IQSEC3: variants seen among roughly 807,000 people sequenced by gnomAD.
IQSEC3 encodes IQ motif and SEC7 domain-containing protein 3.
IQSEC3 carries 50 observed loss-of-function variants against 105.4 expected under a neutral mutation model. That is an observed-to-expected ratio of 0.47 (90% CI 0.38 to 0.60). The LOEUF (loss-of-function observed/expected upper bound fraction) is 0.60. Ranked by LOEUF, IQSEC3 falls within the 20% of genes least tolerant of loss-of-function variation. IQSEC3 has a pLI of 0.00. For missense variants in IQSEC3, 1,415 were observed against 1,630.0 expected, an observed-to-expected ratio of 0.87 and a Z score of 2.27; for synonymous variants, 708 against 746.0, an observed-to-expected ratio of 0.95 and a Z score of 0.83.
At chr12:174,186 CTG>C (rs2137076124) in intron 13 of IQSEC3, among the ~76,000 whole-genome samples, 1 of 152,274 alleles carries the variant, frequency 6.6e-6, no homozygotes, top group East Asian at 1.9e-4. Flanking sequence ...ACGCTTGGCT[CTG>C]TCCCTGGGTC....
intron 5 of IQSEC3, chr12:143,864 T>TGA (rs1358109708): frequency 6.4e-6 from 1 of 157,182 alleles, no homozygotes; most frequent in African/African-American, 2.5e-5. Flanking sequence ...TGTGTGTGTG[T>TGA]GTGAAGAGGC....
In IQSEC3 at chr12:138,209, A is replaced by AT. The variant is rs1478280651; in HGVS notation, c.904-58_904-57insT. The AT allele has an allele frequency of 1.1e-5, 17 of 1,490,256 alleles. No homozygotes were observed. Among genetic ancestry groups the AT allele is most frequent in the Non-Finnish European group, 1.5e-5 (16 of 1,091,480 alleles). 92.3% of individuals were successfully genotyped at this position (1,490,256 alleles called of 1,614,324 possible). A position where few individuals can be genotyped will look rare whatever the true frequency, so the allele number is the denominator to read the frequency against. The stretch of plus-strand genomic sequence containing the variant: ...GCCGGGTGACTCCACCACTCCTCAG[A>AT]AGGGCTGACCACCCTTCCCCTCTGA... On this transcript the variant is annotated intron_variant, in intron 3 of 13. Transcript: ENST00000538872. This position sits in a 1 kb window ranked among gnomAD's most constrained non-coding sequence, Gnocchi z 7.1.
rs976051555 is a variant in IQSEC3 at position 177,639 on chromosome 12, G to C, written c.*2606G>C. 5.9e-5 allele frequency: 9 copies of C among 152,400 alleles called. No individual in the cohort carries two copies. The highest frequency in any genetic ancestry group is 1.3e-4 in the Admixed American group (2 of 15,282). The allele number at this position is 152,400 out of a possible 1,614,324, so 9.4% of individuals were successfully genotyped here. ...GGCATTTAACACCCCTGAGGGCCTG[G>C]GGCAGGACACAGCTGGCCCTCCTCA... On this transcript the variant is annotated 3_prime_UTR_variant, in exon 14 of 14. Transcript: ENST00000538872. The surrounding 1 kb of genome is among the most constrained non-coding windows in gnomAD (Gnocchi z 5.3).
intron 1 of IQSEC3, among the ~76,000 whole-genome samples, chr12:85,519 C>G (rs1402256616): frequency 3.3e-5 from 5 of 152,254 alleles, no homozygotes; most frequent in Admixed American, 6.5e-5. Context: ...CTAAATGGCT[C>G]TGGCATTTCT....
intron 2 of IQSEC3, among the ~76,000 whole-genome samples, chr12:103,870 GA>G (rs1217205504): frequency 1.5e-4 from 9 of 58,348 alleles, no homozygotes; most frequent in Non-Finnish European, 2.0e-4. Context: ...GGCGGCTCGG[GA>G]GGGGAGGCGG....
At chr12:171,325 G>A (rs1938983639) in intron 13 of IQSEC3, 164 bp downstream of exon 13, 1 of 1,613,230 alleles carries the variant, frequency 6.2e-7, no homozygotes, top group Non-Finnish European at 8.5e-7. Flanking sequence ...CTGCTAGCAT[G>A]GGTAATGCCA....
In IQSEC3 at chr12:165,851, A is replaced by G. The variant is rs1867148213; in HGVS notation, c.2932A>G (p.Ile978Val). The change falls in exon 11 of 14, where the codon ATT (isoleucine) becomes GTT (valine). Residue 978 changes from isoleucine (I) to valine (V), a missense_variant. By Grantham distance (29) the Ile-to-Val change is conservative. Coordinates refer to ENST00000538872, the MANE Select transcript of IQSEC3 (RefSeq NM_001170738.2). ...GTTCGTGGAGGACCTGAAGGAGTCC[A>G]TTGCTGAGGTGACGGAGCTGGAGCA... ...QKFVEDLKES[I>V]AEVTELEQIR... The G allele has an allele frequency of 6.2e-7, 1 of 1,614,094 alleles. No individual in the cohort carries two copies. Among genetic ancestry groups the G allele is most frequent in the South Asian group, 1.1e-5 (1 of 91,090 alleles).
intron 9 of IQSEC3, 97 bp downstream of exon 9, chr12:163,716 C>T (rs908217547): frequency 6.4e-6 from 5 of 781,358 alleles, no homozygotes; most frequent in African/African-American, 1.7e-5. Flanking sequence ...GGAAAGGACG[C>T]CCAGAGCTTT....
Position 125,810 on chromosome 12 carries a change from G to C in IQSEC3, c.801G>C (p.Lys267Asn). 6.5e-7 allele frequency: 1 copy of C among 1,527,004 alleles called. No individual in the cohort carries two copies. The highest frequency in any genetic ancestry group is 8.7e-7 in the Non-Finnish European group (1 of 1,143,460). 94.6% of individuals were successfully genotyped at this position (1,527,004 alleles called of 1,614,324 possible). ...AASPRAGPQH[K>N]ASPGRQQPAL... Reference sequence around the variant, plus strand: ...CCCCAAGGGCTGGCCCCCAGCACAAGGCCTCCCCCGGCCGGCAGCAGCCTG... The same window carrying C: ...CCCCAAGGGCTGGCCCCCAGCACAACGCCTCCCCCGGCCGGCAGCAGCCTG... The change falls in exon 3 of 14, where the codon AAG (lysine) becomes AAC (asparagine). Residue 267 changes from lysine (K) to asparagine (N), a missense_variant. Transcript: ENST00000538872.
intron 5 of IQSEC3, among the ~76,000 whole-genome samples, chr12:146,198 T>A (rs1426256717): frequency 6.6e-6 from 1 of 152,218 alleles, no homozygotes; most frequent in Non-Finnish European, 1.5e-5. Flanking sequence ...TAGGAAGAAA[T>A]CATTTGAGAA....
chr12:78,839 C>T (rs1863648509), intron 1 of IQSEC3, among the ~76,000 whole-genome samples: 1 of 152,060 alleles, frequency 6.6e-6, no homozygotes, highest in Non-Finnish European at 1.5e-5. Context: ...GAGGGCTCGA[C>T]GCGGGGTGGT....
intron 1 of IQSEC3, among the ~76,000 whole-genome samples, chr12:78,366 G>A (rs1193118201): frequency 6.6e-6 from 1 of 151,940 alleles, no homozygotes; most frequent in Non-Finnish European, 1.5e-5. Flanking sequence ...GTGATGGTGC[G>A]AGTAGATTGC....
chr12:88,445 T>G (rs1453084511), intron 1 of IQSEC3, among the ~76,000 whole-genome samples: 1 of 152,226 alleles, frequency 6.6e-6, no homozygotes, highest in Non-Finnish European at 1.5e-5. Flanking sequence ...TTATCCTTCT[T>G]TTCCTTGATG....
chr12:170,809 GC>G (rs1364314933), intron 12 of IQSEC3, among the ~76,000 whole-genome samples: 1 of 152,218 alleles, frequency 6.6e-6, no homozygotes, highest in Non-Finnish European at 1.5e-5. Context: ...CACAACCCAG[GC>G]CCCCTCCAAG....
In IQSEC3 at chr12:138,699, C is replaced by A. The variant is rs782024385; in HGVS notation, c.1336C>A (p.Pro446Thr). 3.4e-4 allele frequency: 526 copies of A among 1,525,472 alleles called. No homozygotes were observed. The highest frequency in any genetic ancestry group is 4.4e-4 in the Non-Finnish European group (504 of 1,140,830). The allele number at this position is 1,525,472 out of a possible 1,614,324, so 94.5% of individuals were successfully genotyped here. ...CCAGGCCCTGCAGGCGGCCGCGGGG[C>A]CCCCAGGCCTGGAGGCCGAGGGGCG... is the stretch of plus-strand genomic sequence containing the variant. Reference protein sequence around the residue: ...LHQALQAAAGPPGLEAEGRAP... With the variant: ...LHQALQAAAGTPGLEAEGRAP... Residue 446 changes from proline (P) to threonine (T), a missense_variant, in exon 4 of 14, where the codon CCC (proline) becomes ACC (threonine). This residue lies in a region of IQSEC3 where 720 missense variants were observed against 633.0 expected (regional missense o/e 1.14). Transcript: ENST00000538872. The surrounding 1 kb of genome is among the most constrained non-coding windows in gnomAD (Gnocchi z 7.1).
rs1939251136 is a variant in IQSEC3, at chr12:176,821, G to C, written c.*1788G>C. The C allele has an allele frequency of 6.6e-6, 1 of 152,428 alleles. No homozygotes were observed. The highest frequency in any genetic ancestry group is 1.5e-5 in the Non-Finnish European group (1 of 68,078). 9.4% of individuals were successfully genotyped at this position (152,428 alleles called of 1,614,324 possible). A position where few individuals can be genotyped will look rare whatever the true frequency, so the allele number is the denominator to read the frequency against. ...TTCTGTAACAGATGCTCCAGTCATTGCCTTTCAGAGTGGAGCAGATGACAG... is the reference window on the plus strand; with the variant it reads ...TTCTGTAACAGATGCTCCAGTCATTCCCTTTCAGAGTGGAGCAGATGACAG... On this transcript the variant is annotated 3_prime_UTR_variant, in exon 14 of 14. Transcript: ENST00000538872. This position sits in a 1 kb window ranked among gnomAD's most constrained non-coding sequence, Gnocchi z 4.0.
At chr12:96,974 A>G (rs553143798) in intron 1 of IQSEC3, among the ~76,000 whole-genome samples, 1 of 152,242 alleles carries the variant, frequency 6.6e-6, no homozygotes, top group Non-Finnish European at 1.5e-5. Flanking sequence ...CATAGTTAGC[A>G]GTCTTTTTAA....
Position 174,626 on chromosome 12 carries a change from T to C in IQSEC3, c.3142T>C (p.Ser1048Pro). 2 of 1,566,450 alleles carry C rather than the reference T, an allele frequency of 1.3e-6. No homozygotes were observed. The highest frequency in any genetic ancestry group is 1.7e-6 in the Non-Finnish European group (2 of 1,164,730). ...GTCAATTCACAACAGGCTTCAAACG[T>C]CCCAGCACAACTCCGGGCTGGGGGC... ...EVSIHNRLQTSQHNSGLGAER... is the reference protein window; with the variant it reads ...EVSIHNRLQTPQHNSGLGAER... Residue 1048 changes from serine (S) to proline (P), a missense_variant, in exon 14 of 14, where the codon TCC becomes CCC. Physicochemically the swap from Ser to Pro is moderately conservative, Grantham distance 74. This residue lies in a region of IQSEC3 where 419 missense variants were observed against 436.2 expected (regional missense o/e 0.96). Transcript: ENST00000538872.
chr12:89,953 G>C (rs773618449), intron 1 of IQSEC3, among the ~76,000 whole-genome samples: 4 of 152,096 alleles, frequency 2.6e-5, no homozygotes, highest in Non-Finnish European at 5.9e-5. Context: ...CAATTGGAAG[G>C]GTATATGATA....
Sources: gnomAD v4.1 joint callset for allele counts (sites outside exome capture counted in the v4.1 genomes callset) on GRCh38, gnomAD v4.1.1 for gene constraint, gnomAD v4.1.1 regional missense constraint, Gnocchi (gnomAD v3.1) non-coding constraint, MANE v1.5 for transcripts, NCBI Gene and HGNC (gene_info 2026-07-23, HGNC 2026-07-21) for gene names.